The following LRRC4C variants were observed in gnomAD, a reference collection of about 807,000 sequenced individuals.
LRRC4C encodes leucine rich repeat containing 4C.
In LRRC4C, 5 loss-of-function variants were observed where a neutral mutation model predicts 33.6. The ratio of observed to expected loss-of-function variants is 0.15; its 90% CI spans 0.08 to 0.31. LRRC4C has a LOEUF of 0.31. Among genes scored for constraint, LRRC4C ranks in the 10% least tolerant of loss-of-function variants. The pLI, the probability that LRRC4C is intolerant of heterozygous loss-of-function variation, is 1.00. For synonymous variants in LRRC4C, 329 were observed against 302.0 expected (o/e 1.09, Z -0.93); for missense variants, 560 against 796.7 (o/e 0.70, Z 3.58).
At chr11:40,657,861 A>G (rs1943211848) in intron 2 of LRRC4C, among the ~76,000 whole-genome samples, 1 of 152,166 alleles carries the variant, frequency 6.6e-6, no homozygotes, top group Admixed American at 6.5e-5. Flanking sequence ...GGGGCTCACA[A>G]GGGGAAATAG....
intron 2 of LRRC4C, among the ~76,000 whole-genome samples, chr11:40,851,999 A>G (rs573064918): frequency 6.6e-6 from 1 of 152,040 alleles, no homozygotes; most frequent in Non-Finnish European, 1.5e-5. Flanking sequence ...TTTTAAAAAA[A>G]TTTTTTAATA....
At chr11:40,179,620 G>A (rs1050914204) in intron 5 of LRRC4C, among the ~76,000 whole-genome samples, 2 of 152,048 alleles carry the variant, frequency 1.3e-5, no homozygotes, top group African/African-American at 2.4e-5. Flanking sequence ...GCTTCTCAAG[G>A]GCAGGGCCAT....
At position 41,402,597 on chromosome 11, in the gene LRRC4C, G is replaced by A. The variant is rs149809944; in HGVS notation, c.-496+56834C>T. ...TTTATTATGTAAAAAATATATTTGC[G>A]TCTAAAGAGTTAACTGTCAATGTAT... On this transcript the variant is annotated intron_variant, in intron 1 of 6. Transcript: ENST00000528697. Among the ~76,000 whole-genome samples the A allele has an allele frequency of 7.3e-4, 111 of 152,050 alleles. 1 individual carries two copies. Among genetic ancestry groups the A allele is most frequent in the East Asian group, 3.5e-3 (18 of 5,142 alleles).
In LRRC4C at chr11:40,122,820, C is replaced by T. The variant is rs539829761; in HGVS notation, c.-42-6486G>A. The stretch of plus-strand genomic sequence containing the variant: ...AAACATCCTACTCCCTTACTCTTTT[C>T]TAAGAAAATTTTATATAAAACATTT... On this transcript the variant is annotated intron_variant, in intron 6 of 6. Coordinates refer to ENST00000528697, the MANE Select transcript of LRRC4C (RefSeq NM_001258419.2). Among the ~76,000 whole-genome samples, 84 of 145,108 alleles carry T rather than the reference C, an allele frequency of 5.8e-4. 3 individuals carry two copies. In the South Asian group the frequency reaches 0.018, roughly 32 times the overall value.
intron 4 of LRRC4C, among the ~76,000 whole-genome samples, chr11:40,306,280 T>G (rs1047130596): frequency 6.6e-6 from 1 of 152,198 alleles, no homozygotes; most frequent in African/African-American, 2.4e-5. Context: ...AAAAGAAATC[T>G]CAAAATATGG....
intron 6 of LRRC4C, among the ~76,000 whole-genome samples, chr11:40,134,593 G>A (rs1856849637): frequency 6.6e-6 from 1 of 152,166 alleles, no homozygotes; most frequent in Admixed American, 6.5e-5. Context: ...AATATGAATA[G>A]GACAGAGTGA....
intron 2 of LRRC4C, among the ~76,000 whole-genome samples, chr11:40,648,756 T>C (rs1244347456): frequency 6.6e-6 from 1 of 152,192 alleles, no homozygotes; most frequent in African/African-American, 2.4e-5. Flanking sequence ...TTAGCCTCAT[T>C]TTTCAAATTG....
chr11:41,212,776 AG>A lies in LRRC4C; in HGVS notation c.-496+246654del, dbSNP rs552167462. Reference sequence around the variant, plus strand: ...TTGAGCTCCATTTATGTCCCTGCAAAGGACATGATCTCATTCCTTTTCATGG... The same window carrying A: ...TTGAGCTCCATTTATGTCCCTGCAAAGACATGATCTCATTCCTTTTCATGG... On this transcript the variant is annotated intron_variant, in intron 1 of 6. Transcript: ENST00000528697. 1.1e-4 allele frequency among the ~76,000 whole-genome samples: 17 copies of A among 152,322 alleles called. No homozygotes were observed. In the South Asian group the frequency reaches 2.7e-3, roughly 24 times the overall value.
intron 1 of LRRC4C, among the ~76,000 whole-genome samples, chr11:41,136,640 C>G (rs1487783773): frequency 6.6e-6 from 1 of 152,130 alleles, no homozygotes; most frequent in East Asian, 1.9e-4. Context: ...GCCTAGAGTC[C>G]TTTCCCACCC....
In LRRC4C at chr11:41,332,457, A is replaced by G. The variant is rs1951325228; in HGVS notation, c.-496+126974T>C. ...TAGGTAAGCATGCCTTTGCCACTCC[A>G]ACTCTCTGAAGTTGTATATCAGGGG... On this transcript the variant is annotated intron_variant, in intron 1 of 6. Coordinates refer to ENST00000528697, the MANE Select transcript of LRRC4C (RefSeq NM_001258419.2). 2.0e-5 allele frequency among the ~76,000 whole-genome samples: 3 copies of G among 152,168 alleles called. No individual in the cohort carries two copies. The South Asian group carries it at 6.2e-4, about 32-fold the overall frequency.
intron 1 of LRRC4C, among the ~76,000 whole-genome samples, chr11:41,345,055 T>C (rs1313911076): frequency 6.6e-6 from 1 of 152,172 alleles, no homozygotes; most frequent in Non-Finnish European, 1.5e-5. Flanking sequence ...CCCAGAAATA[T>C]AATTTTTCTT....
intron 3 of LRRC4C, among the ~76,000 whole-genome samples, chr11:40,492,842 C>T (rs10837423): frequency 0.13 from 19,348 of 151,918 alleles, 1,399 homozygotes; most frequent in African/African-American, 0.18. Context: ...GATGGTGAAA[C>T]GGCCCAAAGC....
At chr11:40,495,136 G>A (rs751551787) in intron 3 of LRRC4C, among the ~76,000 whole-genome samples, 43 of 152,238 alleles carry the variant, frequency 2.8e-4, no homozygotes, top group East Asian at 5.8e-4. Context: ...AATCAATAAT[G>A]TGCACTTTAT....
In LRRC4C at chr11:41,348,892, T is replaced by C. The variant is rs114492050; in HGVS notation, c.-496+110539A>G. On this transcript the variant is annotated intron_variant, in intron 1 of 6. Coordinates refer to ENST00000528697, the MANE Select transcript of LRRC4C (RefSeq NM_001258419.2). ...CTAGCAGGGAGAACTTCCCAGATAGTTAGCAGAGACAGAACTCCAGTCTGC... is the reference window on the plus strand; with the variant it reads ...CTAGCAGGGAGAACTTCCCAGATAGCTAGCAGAGACAGAACTCCAGTCTGC... 4.2e-3 allele frequency among the ~76,000 whole-genome samples: 645 copies of C among 152,264 alleles called. 3 individuals are homozygous for C. The highest frequency in any genetic ancestry group is 0.014 in the African/African-American group (568 of 41,544).
intron 2 of LRRC4C, among the ~76,000 whole-genome samples, chr11:40,880,868 T>C (rs1265663545): frequency 6.7e-6 from 1 of 149,520 alleles, no homozygotes; most frequent in African/African-American, 2.4e-5. Context: ...TGTGTGTATA[T>C]ATATATATAT....
At chr11:41,140,912 T>C (rs1416298355) in intron 1 of LRRC4C, among the ~76,000 whole-genome samples, 1 of 152,108 alleles carries the variant, frequency 6.6e-6, no homozygotes, top group African/African-American at 2.4e-5. Flanking sequence ...GATGGACAAG[T>C]GGTATAGTTT....
At chr11:40,500,212 T>A (rs1173635542) in intron 3 of LRRC4C, among the ~76,000 whole-genome samples, 2 of 148,418 alleles carry the variant, frequency 1.3e-5, no homozygotes, top group Non-Finnish European at 3.0e-5. Flanking sequence ...ATAATGCCAA[T>A]GGCATAAGAT....
chr11:41,332,568 T>C (rs1312077540), intron 1 of LRRC4C, among the ~76,000 whole-genome samples: 1 of 152,218 alleles, frequency 6.6e-6, no homozygotes, highest in African/African-American at 2.4e-5. Flanking sequence ...TAAAATACAC[T>C]AAACTCTTTT....
At chr11:40,847,330 A>T (rs537644073) in intron 2 of LRRC4C, among the ~76,000 whole-genome samples, 1 of 152,274 alleles carries the variant, frequency 6.6e-6, no homozygotes, top group Admixed American at 6.5e-5. Context: ...ATCAATACCT[A>T]GTTTATTGAA....
Sources: allele counts gnomAD v4.1 joint callset (sites outside exome capture counted in the v4.1 genomes callset), GRCh38; gene constraint gnomAD v4.1.1; transcripts MANE v1.5; gene names NCBI Gene and HGNC (gene_info 2026-07-23, HGNC 2026-07-21).